ANK2: variants seen among roughly 807,000 people sequenced by gnomAD.
ANK2 encodes the protein ankyrin 2.
Under a neutral mutation model 360.5 loss-of-function variants are expected in ANK2, and 83 were observed. That is an observed-to-expected ratio of 0.23 (90% CI 0.19 to 0.28). The LOEUF is 0.28. ANK2 is among the 10% of genes least tolerant of loss of function. The pLI is 1.00. For missense variants in ANK2, 4,201 were observed against 4,795.7 expected (o/e 0.88, Z 3.66); for synonymous variants, 1,740 against 1,759.5 (o/e 0.99, Z 0.28).
intron 1 of ANK2, among the ~76,000 whole-genome samples, chr4:112,902,642 G>A (rs577772756): frequency 2.7e-4 from 41 of 152,262 alleles, no homozygotes; most frequent in Middle Eastern, 3.4e-3. Context: ...GACACAGAGA[G>A]GATTGTTCAC....
chr4:113,284,886 T>G (rs2063778749), intron 18 of ANK2, among the ~76,000 whole-genome samples: 1 of 152,140 alleles, frequency 6.6e-6, no homozygotes, highest in African/African-American at 2.4e-5. Context: ...TAAAATAATT[T>G]CCCATTGCTT....
At chr4:113,339,193 G>A in intron 31 of ANK2, 33 bp from the exon 32 acceptor site, 5 of 1,548,314 alleles carry the variant, frequency 3.2e-6, no homozygotes, top group Non-Finnish European at 4.5e-6. Context: ...CTGGAGTTTT[G>A]CCTGATTTTT....
At chr4:113,292,960 C>T (rs1373704139) in intron 21 of ANK2, 3 of 352,514 alleles carry the variant, frequency 8.5e-6, no homozygotes, top group South Asian at 2.3e-5. Context: ...TTGGATGCAG[C>T]CCGAATTGCT....
chr4:113,317,675 G>T (rs2083636783), intron 24 of ANK2, 32 bp from the exon 25 acceptor site: 1 of 1,539,356 alleles, frequency 6.5e-7, no homozygotes, highest in South Asian at 1.1e-5. Flanking sequence ...ACTGCTGTTG[G>T]TATATGCCAT....
intron 2 of ANK2, among the ~76,000 whole-genome samples, chr4:112,989,897 AAC>A (rs2046175292): frequency 6.6e-6 from 1 of 152,228 alleles, no homozygotes; most frequent in Non-Finnish European, 1.5e-5. Flanking sequence ...TAAGAAAACT[AAC>A]ACTTAATTTC....
chr4:113,120,658 A>T, intron 1 of ANK2, among the ~76,000 whole-genome samples: 1 of 152,144 alleles, frequency 6.6e-6, no homozygotes, highest in Non-Finnish European at 1.5e-5. Flanking sequence ...TTTGTTACAC[A>T]GGTAAATGTG....
intron 2 of ANK2, among the ~76,000 whole-genome samples, chr4:112,919,161 T>G (rs1029225484): frequency 6.6e-6 from 1 of 152,144 alleles, no homozygotes; most frequent in African/African-American, 2.4e-5. Flanking sequence ...AGCTCCATAT[T>G]GACAATTGGC....
the ANK2 span, among the ~76,000 whole-genome samples, chr4:112,743,509 CCTTCCTTCCTTT>C: frequency 1.9e-4 from 27 of 144,094 alleles, no homozygotes; most frequent in Admixed American, 1.6e-3. Flanking sequence ...TTCCTTCCTT[CCTTCCTTCCTTT>C]CTTTCTTTCT....
intron 2 of ANK2, among the ~76,000 whole-genome samples, chr4:113,181,561 G>A (rs1202717413): frequency 2.0e-5 from 3 of 152,198 alleles, no homozygotes; most frequent in Non-Finnish European, 4.4e-5. Flanking sequence ...CAACCTGAGA[G>A]AAGAAAAGGC....
At chr4:113,081,811 A>ATT (rs34896741) in intron 1 of ANK2, among the ~76,000 whole-genome samples, 107 of 143,440 alleles carry the variant, frequency 7.5e-4, no homozygotes, top group Middle Eastern at 7.2e-3. Context: ...GAAAACACGT[A>ATT]TTTTTTTTTT....
At chr4:112,784,412 C>G in the ANK2 span, among the ~76,000 whole-genome samples, 6 of 139,090 alleles carry the variant, frequency 4.3e-5, no homozygotes, top group African/African-American at 1.6e-4. Context: ...GGCCGGAGTG[C>G]AGTGGCGCGA....
intron 2 of ANK2, among the ~76,000 whole-genome samples, chr4:112,941,902 CAT>C (rs2094250518): frequency 6.6e-6 from 1 of 150,600 alleles, no homozygotes; most frequent in South Asian, 2.1e-4. Context: ...TAAAAGTTAA[CAT>C]AATAGGACCT....
At chr4:112,867,454 T>G (rs1460317926) in intron 1 of ANK2, among the ~76,000 whole-genome samples, 1 of 152,108 alleles carries the variant, frequency 6.6e-6, no homozygotes, top group Non-Finnish European at 1.5e-5. Flanking sequence ...AAGTGTATAA[T>G]TCAGTGGTTT....
intron 1 of ANK2, among the ~76,000 whole-genome samples, chr4:112,890,556 G>GT (rs754680934): frequency 0.057 from 3,837 of 67,314 alleles, 985 homozygotes; most frequent in African/African-American, 0.14. Flanking sequence ...CATTTCTGTG[G>GT]TTTTTTTTTT....
In ANK2 at chr4:113,382,018, A is replaced by C. The variant is rs1032052353; in HGVS notation, c.*547A>C. 1 of 262,432 alleles carries C rather than the reference A, an allele frequency of 3.8e-6. No homozygotes were observed. 16.3% of individuals were successfully genotyped at this position (262,432 alleles called of 1,614,324 possible). A position where few individuals can be genotyped will look rare whatever the true frequency, so the allele number is the denominator to read the frequency against. On this transcript the variant is annotated 3_prime_UTR_variant, in exon 46 of 46. Coordinates refer to ENST00000357077, the MANE Select transcript of ANK2 (RefSeq NM_001148.6). ...ATCCTTCCAAGGAATATCTATGTACAATGTATATAGCTGAAATGCTCAGAT... is the reference window on the plus strand; with the variant it reads ...ATCCTTCCAAGGAATATCTATGTACCATGTATATAGCTGAAATGCTCAGAT...
chr4:113,172,164 A>G lies in ANK2; in HGVS notation c.85-2252A>G, dbSNP rs115796262. Among the ~76,000 whole-genome samples, 617 of 152,254 alleles carry G rather than the reference A, an allele frequency of 4.1e-3. 7 individuals carry two copies. The highest frequency in any genetic ancestry group is 0.014 in the African/African-American group (576 of 41,544). Reference sequence around the variant, plus strand: ...GATTGGCTCTTAATTTTCTAGGTGCATATAGAGGGGTGATAGTTGTGAGGG... The same window carrying G: ...GATTGGCTCTTAATTTTCTAGGTGCGTATAGAGGGGTGATAGTTGTGAGGG... On this transcript the variant is annotated intron_variant, in intron 1 of 45. Transcript: ENST00000357077.
the ANK2 span, among the ~76,000 whole-genome samples, chr4:112,803,458 G>T: frequency 6.6e-6 from 1 of 152,076 alleles, no homozygotes; most frequent in Non-Finnish European, 1.5e-5. Context: ...ATTTGAAAAT[G>T]GAAGCCTTGA....
chr4:113,015,019 C>T (rs185515981), intron 2 of ANK2, among the ~76,000 whole-genome samples: 33 of 151,858 alleles, frequency 2.2e-4, no homozygotes, highest in African/African-American at 4.1e-4. Context: ...CCACCACGCC[C>T]GGCTAATTTT....
chr4:113,355,246 G>A lies in ANK2; in HGVS notation c.6628G>A (p.Val2210Ile), dbSNP rs370296970. The change falls in exon 38 of 46, where the codon GTA becomes ATA. Residue 2210 changes from valine (V) to isoleucine (I), a missense_variant. By Grantham distance (29) the Val-to-Ile change is conservative. This residue lies in a region of ANK2 where 2,642 missense variants were observed against 2,714.5 expected (regional missense o/e 0.97). Coordinates refer to ENST00000357077, the MANE Select transcript of ANK2 (RefSeq NM_001148.6). ...GSSESLKNEG[V>I]AGSPCGSLME... ...TTCTGAAAGCCTAAAGAATGAGGGG[G>A]TAGCCGGCTCTCCGTGTGGCAGCCT... 4 of 1,614,098 alleles carry A rather than the reference G, an allele frequency of 2.5e-6. No individual in the cohort carries two copies. The highest frequency in any genetic ancestry group is 3.4e-6 in the Non-Finnish European group (4 of 1,179,968).
Sources: gnomAD v4.1 joint callset for allele counts (sites outside exome capture counted in the v4.1 genomes callset) on GRCh38, gnomAD v4.1.1 for gene constraint, gnomAD v4.1.1 regional missense constraint, MANE v1.5 for transcripts, NCBI Gene and HGNC (gene_info 2026-07-23, HGNC 2026-07-21) for gene names.